MECOM: variants seen among roughly 807,000 people sequenced by gnomAD.
MECOM encodes the protein MDS1 and EVI1 complex locus.
Under a neutral mutation model 116.3 loss-of-function variants are expected in MECOM, and 13 were observed. The observed-to-expected ratio is 0.11, with a 90% CI of 0.07 to 0.18. MECOM has a LOEUF of 0.18. Among genes scored for constraint, MECOM ranks in the 10% least tolerant of loss-of-function variants. MECOM has a pLI of 1.00. For missense variants in MECOM, 1,299 were observed against 1,509.0 expected, an observed-to-expected ratio of 0.86 and a Z score of 2.31; for synonymous variants, 528 against 535.2, an observed-to-expected ratio of 0.99 and a Z score of 0.19.
chr3:169,551,888 G>A (rs1761444461), intron 1 of MECOM, among the ~76,000 whole-genome samples: 2 of 152,154 alleles, frequency 1.3e-5, no homozygotes, highest in Admixed American at 6.5e-5. Flanking sequence ...AAGGAATAGA[G>A]TTCTGACACA....
At chr3:169,635,448 C>T (rs1410086643) in intron 1 of MECOM, among the ~76,000 whole-genome samples, 1 of 152,154 alleles carries the variant, frequency 6.6e-6, no homozygotes, top group Non-Finnish European at 1.5e-5. Context: ...CATTTTTAGC[C>T]TCATCTCCCA....
At position 169,564,818 on chromosome 3, in the gene MECOM, C is replaced by A. The variant is rs182030957; in HGVS notation, c.37+98518G>T. On this transcript the variant is annotated intron_variant, in intron 1 of 16. Transcript: ENST00000651503. ...AACCATAGCGCTTCAGGTGTCCAAACAAATGCTGCAAACTAAACCTGGACA... is the reference window on the plus strand; with the variant it reads ...AACCATAGCGCTTCAGGTGTCCAAAAAAATGCTGCAAACTAAACCTGGACA... Among the ~76,000 whole-genome samples, 284 of 149,112 alleles carry A rather than the reference C, an allele frequency of 1.9e-3. 3 individuals carry two copies. The highest frequency in any genetic ancestry group is 7.1e-3 in the African/African-American group (275 of 38,838).
intron 1 of MECOM, among the ~76,000 whole-genome samples, chr3:169,661,323 A>T (rs1346966253): frequency 7.0e-5 from 8 of 113,680 alleles, no homozygotes; most frequent in African/African-American, 2.2e-4. Context: ...CCACACACAC[A>T]CTCTCTCTCT....
chr3:169,438,870 AAAATTT>A (rs906517091), intron 1 of MECOM, among the ~76,000 whole-genome samples: 1 of 152,158 alleles, frequency 6.6e-6, no homozygotes, highest in Non-Finnish European at 1.5e-5. Flanking sequence ...ATTTTCAACC[AAAATTT>A]ACTGTAATTG....
At chr3:169,377,186 A>C (rs1731185167) in intron 2 of MECOM, among the ~76,000 whole-genome samples, 1 of 152,194 alleles carries the variant, frequency 6.6e-6, no homozygotes, top group Non-Finnish European at 1.5e-5. Flanking sequence ...CTCAAGATGG[A>C]TTAAGATTTA....
At chr3:169,591,439 G>A (rs7635759) in intron 1 of MECOM, among the ~76,000 whole-genome samples, 18,173 of 152,038 alleles carry the variant, frequency 0.12, 1,429 homozygotes, top group African/African-American at 0.22. Flanking sequence ...GTCGAGAGTC[G>A]GATGCACCAA....
At chr3:169,339,444 A>G (rs145285644) in intron 2 of MECOM, among the ~76,000 whole-genome samples, 2 of 152,342 alleles carry the variant, frequency 1.3e-5, no homozygotes, top group East Asian at 3.9e-4. Flanking sequence ...CATCCATTTT[A>G]AATACAGGCA....
chr3:169,490,545 T>C (rs1378335352), intron 1 of MECOM, among the ~76,000 whole-genome samples: 2 of 152,218 alleles, frequency 1.3e-5, no homozygotes, highest in Non-Finnish European at 2.9e-5. Flanking sequence ...ATCTTTATCA[T>C]CATGGATTAA....
chr3:169,592,797 AATTACATGT>A lies in MECOM; in HGVS notation c.37+70530_37+70538del, dbSNP rs142918292. 7.9e-3 allele frequency among the ~76,000 whole-genome samples: 1,203 copies of A among 152,264 alleles called. 21 individuals are homozygous for A. Among genetic ancestry groups the A allele is most frequent in the African/African-American group, 0.028 (1,149 of 41,552 alleles). On this transcript the variant is annotated intron_variant, in intron 1 of 16. Coordinates refer to ENST00000651503, the MANE Select transcript of MECOM (RefSeq NM_004991.4). ...CCAAACAGCTGCCAGCATTTTCCAC[AATTACATGT>A]ATTACATTACAGACACACATACACA...
At chr3:169,316,750 G>T (rs1022948512) in intron 2 of MECOM, among the ~76,000 whole-genome samples, 4 of 152,054 alleles carry the variant, frequency 2.6e-5, no homozygotes, top group Non-Finnish European at 5.9e-5. Flanking sequence ...ACAGAGCTTT[G>T]CCATGCTGCC....
intron 1 of MECOM, among the ~76,000 whole-genome samples, chr3:169,593,671 C>A (rs937678116): frequency 6.6e-6 from 1 of 152,118 alleles, no homozygotes; most frequent in African/African-American, 2.4e-5. Context: ...ACTGGCTCTA[C>A]CCTATATCAA....
chr3:169,525,125 TTA>T (rs1475706401), intron 1 of MECOM, among the ~76,000 whole-genome samples: 56 of 152,330 alleles, frequency 3.7e-4, no homozygotes, highest in African/African-American at 1.2e-3. Context: ...AGAAACAAAC[TTA>T]TGTTTCTCAT....
chr3:169,235,731 C>T (rs1460307514), intron 2 of MECOM, among the ~76,000 whole-genome samples: 1 of 151,870 alleles, frequency 6.6e-6, no homozygotes, highest in Non-Finnish European at 1.5e-5. Flanking sequence ...TTCGCACACA[C>T]AAAAAAGATA....
chr3:169,419,165 T>C (rs1485890051), intron 1 of MECOM, among the ~76,000 whole-genome samples: 2 of 151,960 alleles, frequency 1.3e-5, no homozygotes, highest in African/African-American at 4.8e-5. Context: ...GAGAATAAAA[T>C]ACGTAGAAAT....
chr3:169,472,533 A>AAAAGAAAAGAAAAGGAAAGG lies in MECOM; in HGVS notation c.38-91010_38-91009insCCTTTCCTTTTCTTTTCTTT, dbSNP rs1160223015. On this transcript the variant is annotated intron_variant, in intron 1 of 16. Transcript: ENST00000651503. ...GAAAGGAAAGGAAAGAAAAGAAAAG[A>AAAAGAAAAGAAAAGGAAAGG]AAAGGAAAGGAAAGGAAAAGAAAAG... Among the ~76,000 whole-genome samples the AAAAGAAAAGAAAAGGAAAGG allele has an allele frequency of 2.6e-4, 22 of 85,160 alleles. 1 individual carries two copies. The highest frequency in any genetic ancestry group is 4.9e-4 in the African/African-American group (8 of 16,492). 55.9% of individuals were successfully genotyped at this position (85,160 alleles called of 152,430 possible).
intron 1 of MECOM, chr3:169,615,073 C>A (rs567588803): frequency 6.6e-6 from 1 of 152,304 alleles, no homozygotes; most frequent in Admixed American, 6.5e-5. Flanking sequence ...CCATAGTAAG[C>A]ACTATACAAG....
chr3:169,541,397 A>G (rs1156242232), intron 1 of MECOM, among the ~76,000 whole-genome samples: 1 of 152,214 alleles, frequency 6.6e-6, no homozygotes, highest in African/African-American at 2.4e-5. Context: ...AGAGAGAAAG[A>G]GTCATTGTTG....
At chr3:169,502,416 A>G (rs1754649134) in intron 1 of MECOM, among the ~76,000 whole-genome samples, 1 of 152,028 alleles carries the variant, frequency 6.6e-6, no homozygotes, top group South Asian at 2.1e-4. Flanking sequence ...TCCAAGTCTG[A>G]TTTTCCTGCT....
intron 1 of MECOM, among the ~76,000 whole-genome samples, chr3:169,385,053 G>A (rs932904445): frequency 1.4e-5 from 2 of 142,686 alleles, no homozygotes; most frequent in African/African-American, 2.6e-5. Context: ...GCAGTGAGCC[G>A]AGATCACACT....
Sources: allele counts gnomAD v4.1 joint callset (sites outside exome capture counted in the v4.1 genomes callset), GRCh38; gene constraint gnomAD v4.1.1; transcripts MANE v1.5; gene names NCBI Gene and HGNC (gene_info 2026-07-23, HGNC 2026-07-21).